SCN7A: variants seen among roughly 807,000 people sequenced by gnomAD.
SCN7A encodes sodium voltage-gated channel alpha subunit 7.
Under a neutral mutation model 155.2 loss-of-function variants are expected in SCN7A, and 138 were observed. The observed-to-expected ratio is 0.89, with a 90% confidence interval of 0.77 to 1.02. The LOEUF (loss-of-function observed/expected upper bound fraction) is 1.02. SCN7A is among the 50% of genes least tolerant of loss of function. The probability of loss-of-function intolerance (pLI) is 0.00; values close to 1 mark genes in which losing one functional copy is unlikely to be tolerated. For missense variants in SCN7A, 2,058 were observed against 1,986.6 expected, an observed-to-expected ratio of 1.04 and a Z score of -0.68; for synonymous variants, 693 against 649.0, an observed-to-expected ratio of 1.07 and a Z score of -1.03.
Position 166,455,425 on chromosome 2 carries a change from A to G in SCN7A, c.1290+1445T>C, listed in dbSNP as rs4667885. 7.2e-3 allele frequency among the ~76,000 whole-genome samples: 1,096 copies of G among 152,220 alleles called. 48 individuals carry two copies. The highest frequency in any genetic ancestry group is 0.066 in the Admixed American group (1,012 of 15,272). Reference sequence around the variant, plus strand: ...GGATGCAGCTGGAGGCCATTATCCTAAGTGAATTAACACAGGAACAGAAAA... The same window carrying G: ...GGATGCAGCTGGAGGCCATTATCCTGAGTGAATTAACACAGGAACAGAAAA... On this transcript the variant is annotated intron_variant, in intron 11 of 25. Transcript: ENST00000643258.
At position 166,414,303 on chromosome 2, in the gene SCN7A, TATATATATACAC is replaced by T. The variant is rs1559088938; in HGVS notation, c.3415-1194_3415-1183del. ...ATATATATACACACACATATATATA[TATATATATACAC>T]ATATATATATATATATGAAGGAAGT... On this transcript the variant is annotated intron_variant, in intron 21 of 25. Coordinates refer to ENST00000643258, the MANE Select transcript of SCN7A (RefSeq NM_002976.4). Among the ~76,000 whole-genome samples, 25 of 94,818 alleles carry T rather than the reference TATATATATACAC, an allele frequency of 2.6e-4. 2 individuals are homozygous for T. The East Asian group carries it at 6.9e-3, about 26-fold the overall frequency. 62.2% of individuals were successfully genotyped at this position (94,818 alleles called of 152,430 possible). A position where few individuals can be genotyped will look rare whatever the true frequency, so the allele number is the denominator to read the frequency against.
At chr2:166,469,700 T>C (rs1200741063) in intron 7 of SCN7A, among the ~76,000 whole-genome samples, 44 of 151,988 alleles carry the variant, frequency 2.9e-4, no homozygotes, top group South Asian at 2.1e-4. Context: ...ATGTGAAATA[T>C]GTGGGGAGTA....
rs61576399 is a variant in SCN7A, at chr2:166,456,803, A to AAT, written c.1290+65_1290+66dup. On this transcript the variant is annotated intron_variant, in intron 11 of 25. Transcript: ENST00000643258. Reference sequence around the variant, plus strand: ...TAAATGATTGCTGTTTCAAGACTAAAATATATATATATATATATATATATA... The same window carrying AAT: ...TAAATGATTGCTGTTTCAAGACTAAAATATATATATATATATATATATATATA... 7.2e-3 allele frequency: 3,657 copies of AAT among 504,692 alleles called. 38 individuals are homozygous for AAT. Among genetic ancestry groups the AAT allele is most frequent in the Admixed American group, 9.2e-3 (231 of 25,020 alleles). 31.3% of individuals were successfully genotyped at this position (504,692 alleles called of 1,614,324 possible).
intron 21 of SCN7A, among the ~76,000 whole-genome samples, chr2:166,416,488 A>G (rs1701380120): frequency 6.6e-6 from 1 of 152,034 alleles, no homozygotes; most frequent in Admixed American, 6.6e-5. Context: ...CTTTCTCTTT[A>G]TTTCTCAGCT....
In SCN7A at chr2:166,410,298, C is replaced by T. The variant is rs200605390; in HGVS notation, c.3633G>A (p.Thr1211=). The T allele has an allele frequency of 1.1e-4, 167 of 1,548,236 alleles. No homozygotes were observed. The highest frequency in any genetic ancestry group is 1.3e-4 in the Non-Finnish European group (151 of 1,145,392). ...TGCGGTACTGTTTTCTCTGTTTAACCGTTATAAAGATATTTGAGCCTCCCA... is the reference window on the plus strand; with the variant it reads ...TGCGGTACTGTTTTCTCTGTTTAACTGTTATAAAGATATTTGAGCCTCCCA... The part of the protein sequence containing the change: ...IKLGGSNIFI[T]VKQRKQYRRL... The change falls in exon 24 of 26, where the codon ACG becomes ACA. Residue 1211 remains threonine, a synonymous_variant. Coordinates refer to ENST00000643258, the MANE Select transcript of SCN7A (RefSeq NM_002976.4).
In SCN7A at chr2:166,443,575, T is replaced by C; in HGVS notation, c.1728A>G (p.Ile576Met). 6 of 1,589,424 alleles carry C rather than the reference T, an allele frequency of 3.8e-6. No individual in the cohort carries two copies. The highest frequency in any genetic ancestry group is 5.1e-6 in the Non-Finnish European group (6 of 1,167,062). The change falls in exon 14 of 26, where the codon ATA becomes ATG. Residue 576 changes from isoleucine (I) to methionine (M), a missense_variant. By Grantham distance (10) the Ile-to-Met change is conservative (BLOSUM62 1). Transcript: ENST00000643258. ...QVGWNIFDSM[I>M]VFHGLIELCL... ...AAAGTTCTATTAAACCATGGAACAC[T>C]ATCATGCTATCAAAAATGTTCCAAC...
chr2:166,429,051 T>A (rs1701679481), intron 17 of SCN7A, 118 bp downstream of exon 17: 1 of 575,248 alleles, frequency 1.7e-6, no homozygotes, highest in Non-Finnish European at 2.9e-6. Flanking sequence ...TTAACATGAA[T>A]ATTAAGAAAT....
At chr2:166,428,681 G>A (rs1701672105) in intron 17 of SCN7A, among the ~76,000 whole-genome samples, 1 of 152,010 alleles carries the variant, frequency 6.6e-6, no homozygotes, top group Non-Finnish European at 1.5e-5. Flanking sequence ...ATTATACTAT[G>A]AGTAGTATTG....
At chr2:166,460,898 T>G (rs570951506) in intron 10 of SCN7A, among the ~76,000 whole-genome samples, 10 of 152,174 alleles carry the variant, frequency 6.6e-5, no homozygotes, top group Admixed American at 6.5e-4. Flanking sequence ...AGAAGGGTAA[T>G]GTGATAAGAT....
At chr2:166,426,685 G>A (rs1258554172) in intron 18 of SCN7A, among the ~76,000 whole-genome samples, 1 of 152,084 alleles carries the variant, frequency 6.6e-6, no homozygotes, top group Non-Finnish European at 1.5e-5. Flanking sequence ...GGCAGTTGAA[G>A]TCCACATGCT....
intron 2 of SCN7A, among the ~76,000 whole-genome samples, chr2:166,479,063 A>C (rs1446967471): frequency 6.6e-6 from 1 of 152,044 alleles, no homozygotes; most frequent in Non-Finnish European, 1.5e-5. Flanking sequence ...AAAGATAATA[A>C]ATTTTGGTTT....
At chr2:166,420,817 T>A (rs1456235080) in intron 20 of SCN7A, among the ~76,000 whole-genome samples, 2 of 152,028 alleles carry the variant, frequency 1.3e-5, no homozygotes, top group Non-Finnish European at 1.5e-5. Flanking sequence ...GTATACAATG[T>A]TTGTATAATT....
Position 166,447,683 on chromosome 2 carries a change from T to C in SCN7A, c.1316A>G (p.Lys439Arg), listed in dbSNP as rs776170126. The C allele has an allele frequency of 9.3e-6, 15 of 1,613,140 alleles. No individual in the cohort carries two copies. In the East Asian group the frequency reaches 3.1e-4, roughly 34 times the overall value. ...GTCTGTGGAAATTGGTGACCTTTTC[T>C]TCATTTCTATTTGTATGGTCTTGGC... is the stretch of plus-strand genomic sequence containing the variant. ...DEAKTIQIEM[K>R]KRSPISTDTS... is the part of the protein sequence containing the mutation. Residue 439 changes from lysine (K) to arginine (R), a missense_variant, in exon 12 of 26, where the codon AAG (lysine) becomes AGG (arginine). Lys to Arg is a conservative substitution (Grantham distance 26, BLOSUM62 2). Transcript: ENST00000643258.
chr2:166,421,365 C>A, intron 19 of SCN7A, 68 bp from the exon 20 acceptor site: 1 of 923,098 alleles, frequency 1.1e-6, no homozygotes. Flanking sequence ...GTAAAATAAA[C>A]TTTGCATTTA....
intron 18 of SCN7A, among the ~76,000 whole-genome samples, chr2:166,423,879 G>C (rs1332134327): frequency 1.3e-5 from 2 of 151,972 alleles, no homozygotes; most frequent in African/African-American, 2.4e-5. Flanking sequence ...AATCCATAAG[G>C]CTATCAGGTA....
intron 25 of SCN7A, among the ~76,000 whole-genome samples, 182 bp from the exon 26 acceptor site, chr2:166,406,828 A>C (rs1164269922): frequency 6.6e-6 from 1 of 152,190 alleles, no homozygotes; most frequent in East Asian, 1.9e-4. Context: ...TCAGCCAAAC[A>C]CCTATTGTAT....
chr2:166,405,828 A>G lies in SCN7A; in HGVS notation c.4801T>C (p.Ser1601Pro), dbSNP rs1226863371. 6.2e-7 allele frequency: 1 copy of G among 1,613,010 alleles called. No individual in the cohort carries two copies. The highest frequency in any genetic ancestry group is 1.3e-5 in the African/African-American group (1 of 74,858). ...AAAGGGTTGGCTAACAAAAACCCTG[A>G]TTCTATTTCTGAAACAACTTTCTCC... ...RMEKVVSEIE[S>P]GFLLANPFKI... is the part of the protein sequence containing the mutation. Residue 1601 changes from serine (S) to proline (P), a missense_variant, in exon 26 of 26, where the codon TCA (serine) becomes CCA (proline). Physicochemically the swap from Ser to Pro is moderately conservative, Grantham distance 74. Transcript: ENST00000643258.
At position 166,432,550 on chromosome 2, in the gene SCN7A, T is replaced by G; in HGVS notation, c.2360A>C (p.Lys787Thr). 6.2e-7 allele frequency: 1 copy of G among 1,613,570 alleles called. No homozygotes were observed. The highest frequency in any genetic ancestry group is 8.5e-7 in the Non-Finnish European group (1 of 1,179,618). Reference sequence around the variant, plus strand: ...AAGGGTATGGTCAGAAATATCTTCTTTAACATATACCTCATTTACATGGTC... The same window carrying G: ...AAGGGTATGGTCAGAAATATCTTCTGTAACATATACCTCATTTACATGGTC... Reference protein sequence around the residue: ...TMDHVNEVYVKEDISDHTLSE... With the variant: ...TMDHVNEVYVTEDISDHTLSE... The change falls in exon 16 of 26, where the codon AAA becomes ACA. Residue 787 changes from lysine to threonine, a missense_variant. By Grantham distance (78) the Lys-to-Thr change is moderately conservative. Coordinates refer to ENST00000643258, the MANE Select transcript of SCN7A (RefSeq NM_002976.4).
At chr2:166,423,052 C>T (rs534537756) in intron 19 of SCN7A, among the ~76,000 whole-genome samples, 1 of 151,756 alleles carries the variant, frequency 6.6e-6, no homozygotes, top group Admixed American at 6.6e-5. Context: ...TTATAATAAC[C>T]CAGGAACAAA....
Sources: gnomAD v4.1 joint callset for allele counts (sites outside exome capture counted in the v4.1 genomes callset) on GRCh38, gnomAD v4.1.1 for gene constraint, MANE v1.5 for transcripts, NCBI Gene and HGNC (gene_info 2026-07-23, HGNC 2026-07-21) for gene names.